The following NKIRAS1 variants were observed in gnomAD, a reference collection of about 807,000 sequenced individuals.
NKIRAS1 encodes NF-kappa-B inhibitor-interacting Ras-like protein 1.
In NKIRAS1, 16 loss-of-function variants were observed where a neutral mutation model predicts 19.8. The observed-to-expected ratio is 0.81, with a 90% CI of 0.55 to 1.23. The LOEUF (loss-of-function observed/expected upper bound fraction) is 1.23, where lower values mean the gene tolerates loss of function less well. NKIRAS1 is among the 50% of genes most tolerant of loss of function. The pLI, the probability that NKIRAS1 is intolerant of heterozygous loss-of-function variation, is 0.00. For missense variants in NKIRAS1, 184 were observed against 220.0 expected (o/e 0.84, Z 1.04); for synonymous variants, 88 against 79.0 (o/e 1.11, Z -0.61).
chr3:23,901,099 G>C, intron 3 of NKIRAS1, 50 bp from the exon 4 acceptor site: 1 of 1,587,598 alleles, frequency 6.3e-7, no homozygotes, highest in Non-Finnish European at 8.6e-7. Flanking sequence ...AGTGTCAACT[G>C]CTCCGTATTT....
chr3:23,903,500 C>A (rs1460922509), intron 3 of NKIRAS1, among the ~76,000 whole-genome samples: 1 of 152,062 alleles, frequency 6.6e-6, no homozygotes, highest in Non-Finnish European at 1.5e-5. Context: ...GAGACCGCTA[C>A]AGAGAAACCA....
Position 23,890,694 on chromosome 3 carries a change from G to A in NKIRAS1, c.*2401C>T. On this transcript the variant is annotated 3_prime_UTR_variant, in exon 5 of 5. Coordinates refer to ENST00000425478, the MANE Select transcript of NKIRAS1 (RefSeq NM_020345.4). ...AAGGGGTCAGGGAGGGTGGGAGTTG[G>A]TAAAGAGTAGGGTATTTCTATAACA... 2.6e-6 allele frequency: 3 copies of A among 1,144,326 alleles called. No homozygotes were observed. The highest frequency in any genetic ancestry group is 3.7e-6 in the Non-Finnish European group (3 of 807,636). The allele number at this position is 1,144,326 out of a possible 1,614,324, so 70.9% of individuals were successfully genotyped here.
intron 1 of NKIRAS1, chr3:23,945,137 G>A (rs956101724): frequency 1.3e-5 from 2 of 148,390 alleles, no homozygotes; most frequent in East Asian, 2.0e-4. Context: ...GGGAGAAGGG[G>A]GAAGCGCAGG....
Position 23,890,448 on chromosome 3 carries a change from TC to T in NKIRAS1, c.*2646del. 1 of 1,537,658 alleles carries T rather than the reference TC, an allele frequency of 6.5e-7. No homozygotes were observed. Among genetic ancestry groups the T allele is most frequent in the Non-Finnish European group, 8.9e-7 (1 of 1,128,492 alleles). On this transcript the variant is annotated 3_prime_UTR_variant, in exon 5 of 5. Transcript: ENST00000425478. ...ACGTATCTACCCAAGCTGTCACTAT[TC>T]GCTAAAGTTTAAAATGTTCTTTTCC...
intron 1 of NKIRAS1, chr3:23,945,611 G>A: frequency 3.4e-6 from 4 of 1,177,656 alleles, no homozygotes; most frequent in Non-Finnish European, 4.2e-6. Context: ...ACCGGACTGC[G>A]GCGGGTGGGG....
chr3:23,919,816 C>G, upstream of NKIRAS1: 1 of 1,053,100 alleles, frequency 9.5e-7, no homozygotes, highest in Non-Finnish European at 1.1e-6. Flanking sequence ...GTAGATTTGT[C>G]TGGTGCATGT....
At chr3:23,894,388 G>A (rs992600380) in intron 4 of NKIRAS1, among the ~76,000 whole-genome samples, 11 of 152,192 alleles carry the variant, frequency 7.2e-5, no homozygotes, top group African/African-American at 2.7e-4. Context: ...TGAGCTCCCT[G>A]TGCTCCAGTA....
chr3:23,918,883 GCT>G, upstream of NKIRAS1: 1 of 512,566 alleles, frequency 2.0e-6, no homozygotes, highest in Non-Finnish European at 3.4e-6. Flanking sequence ...ACGTTGCTGA[GCT>G]CTCAGTTGTA....
At chr3:23,945,643 G>C (rs1162294505) in intron 1 of NKIRAS1, 15 of 1,125,150 alleles carry the variant, frequency 1.3e-5, no homozygotes, top group Non-Finnish European at 1.6e-5. Flanking sequence ...GGAGCGCTCA[G>C]AGCCCGCGGG....
At chr3:23,898,337 C>T (rs1702183785) in intron 4 of NKIRAS1, among the ~76,000 whole-genome samples, 1 of 151,914 alleles carries the variant, frequency 6.6e-6, no homozygotes. Flanking sequence ...GAATACTACT[C>T]ACCAAGAAAA....
intron 1 of NKIRAS1, 127 bp from the exon 2 acceptor site, chr3:23,911,577 CTT>C (rs1226463300): frequency 6.7e-6 from 1 of 149,408 alleles, no homozygotes; most frequent in Non-Finnish European, 1.5e-5. Flanking sequence ...CCAACAGACT[CTT>C]AAATCCTTGA....
At chr3:23,940,523 C>T (rs1705474137) in intron 1 of NKIRAS1, among the ~76,000 whole-genome samples, 1 of 152,060 alleles carries the variant, frequency 6.6e-6, no homozygotes, top group Non-Finnish European at 1.5e-5. Context: ...ATAAACACAT[C>T]ACTGATCTTG....
chr3:23,893,494 T>C (rs1208973501), intron 4 of NKIRAS1, among the ~76,000 whole-genome samples, 157 bp from the exon 5 acceptor site: 1 of 152,144 alleles, frequency 6.6e-6, no homozygotes, highest in East Asian at 1.9e-4. Flanking sequence ...CCTTACTCCT[T>C]AATGCATTTT....
At chr3:23,900,589 C>T (rs1418362303) in intron 4 of NKIRAS1, among the ~76,000 whole-genome samples, 2 of 146,976 alleles carry the variant, frequency 1.4e-5, no homozygotes, top group African/African-American at 2.5e-5. Context: ...GAGCCAAGAT[C>T]GCATCATTGC....
At chr3:23,919,071 TAAA>T, upstream of NKIRAS1, 2 of 667,922 alleles carry the variant, frequency 3.0e-6, no homozygotes, top group South Asian at 3.7e-5. Context: ...AAATGCTTAG[TAAA>T]TAACTTGAGT....
At chr3:23,921,925 TCTCAAACTACTGGC>T (rs2125260451), upstream of NKIRAS1, 1 of 308,432 alleles carries the variant, frequency 3.2e-6, no homozygotes, top group African/African-American at 2.2e-5. Flanking sequence ...CCCAGGTTGG[TCTCAAACTACTGGC>T]CTCAAGCAAT....
rs1268819845 is a variant in NKIRAS1 at position 23,892,943 on chromosome 3, C to T, written c.*152G>A. The T allele has an allele frequency of 1.6e-6, 1 of 620,214 alleles. No homozygotes were observed. The highest frequency in any genetic ancestry group is 2.6e-6 in the Non-Finnish European group (1 of 388,674). The allele number at this position is 620,214 out of a possible 1,614,324, so 38.4% of individuals were successfully genotyped here. On this transcript the variant is annotated 3_prime_UTR_variant, in exon 5 of 5. Transcript: ENST00000425478. ...ATAACCTTAGCCCAAATACTTTTAA[C>T]ATCTAAAGTGCATTAATTGACTTCC...
At chr3:23,909,398 G>A (rs570938700) in intron 3 of NKIRAS1, among the ~76,000 whole-genome samples, 28 of 152,222 alleles carry the variant, frequency 1.8e-4, no homozygotes, top group Non-Finnish European at 3.4e-4. Flanking sequence ...GTGGTAGCAC[G>A]CACCCATAGT....
upstream of NKIRAS1, chr3:23,917,636 C>T (rs112769435): frequency 8.0e-6 from 4 of 502,168 alleles, no homozygotes; most frequent in South Asian, 2.7e-5. Flanking sequence ...CAAAACGTGC[C>T]GAGCACCGCT....
Sources: gnomAD v4.1 joint callset for allele counts (sites outside exome capture counted in the v4.1 genomes callset) on GRCh38, gnomAD v4.1.1 for gene constraint, MANE v1.5 for transcripts, NCBI Gene and HGNC (gene_info 2026-07-23, HGNC 2026-07-21) for gene names.